Variants in MRPL34 observed in about 807,000 individuals in gnomAD.
MRPL34 encodes large ribosomal subunit protein bL34m.
In MRPL34, 8 loss-of-function variants were observed where a neutral mutation model predicts 6.7. The ratio of observed to expected loss-of-function variants is 1.20; its 90% CI spans 0.70 to 2.16. MRPL34 has a LOEUF of 2.16. Among genes scored for constraint, MRPL34 ranks in the 30% most tolerant of loss-of-function variants. The pLI is 0.00. For synonymous variants in MRPL34, 59 were observed against 55.1 expected, an observed-to-expected ratio of 1.07 and a Z score of -0.31; for missense variants, 146 against 125.5, an observed-to-expected ratio of 1.16 and a Z score of -0.78.
chr19:17,301,392 C>G (rs1198619549), upstream of MRPL34: 1 of 1,611,646 alleles, frequency 6.2e-7, no homozygotes, highest in African/African-American at 1.3e-5. Context: ...GACAGCGGAC[C>G]AAGCCGGAGA....
upstream of MRPL34, among the ~76,000 whole-genome samples, chr19:17,299,244 C>A (rs1026345756): frequency 1.4e-5 from 2 of 148,068 alleles, no homozygotes; most frequent in Non-Finnish European, 3.0e-5. Flanking sequence ...ACCCCCCCCC[C>A]ATTCTCTATA....
chr19:17,298,708 C>T (rs1242832584), upstream of MRPL34, among the ~76,000 whole-genome samples: 3 of 146,878 alleles, frequency 2.0e-5, no homozygotes, highest in Admixed American at 1.4e-4. Context: ...TGGCCAAACA[C>T]GATAGTGCTG....
chr19:17,294,666 G>A (rs1185243646), intron 1 of MRPL34: 1 of 1,613,108 alleles, frequency 6.2e-7, no homozygotes, highest in East Asian at 2.2e-5. Context: ...TTGGGGTGGG[G>A]ACACTCACTT....
At chr19:17,301,221 G>T, upstream of MRPL34, 1 of 1,594,376 alleles carries the variant, frequency 6.3e-7, no homozygotes, top group Non-Finnish European at 8.5e-7. Context: ...CGCTGCCGGG[G>T]GCCAAGCGGC....
In MRPL34 at chr19:17,294,588, C is replaced by A. The variant is rs1433650899; in HGVS notation, c.214+1734C>A. The A allele has an allele frequency of 2.9e-5, 47 of 1,605,758 alleles. No individual in the cohort carries two copies. In the South Asian group the frequency reaches 4.0e-4, roughly 14 times the overall value. On this transcript the variant is annotated intron_variant, in intron 1 of 2. Transcript: ENST00000595444. The stretch of plus-strand genomic sequence containing the variant: ...CCCCCGATGCCAGCCCTAGTCCCAG[C>A]GGTACAGTCCCCCCTCCCATCCAAC...
chr19:17,304,232 C>G (rs572097592), upstream of MRPL34, among the ~76,000 whole-genome samples: 1 of 152,368 alleles, frequency 6.6e-6, no homozygotes, highest in East Asian at 1.9e-4. Context: ...CATCCCAGCT[C>G]TGTGGTACCG....
chr19:17,305,477 G>GT (rs1319357864), upstream of MRPL34, among the ~76,000 whole-genome samples: 2 of 152,306 alleles, frequency 1.3e-5, no homozygotes, highest in Non-Finnish European at 2.9e-5. Flanking sequence ...AGCCAGCTGT[G>GT]TGCCATCTGC....
At chr19:17,301,748 G>A, upstream of MRPL34, 1 of 1,158,626 alleles carries the variant, frequency 8.6e-7, no homozygotes. Flanking sequence ...GCCAGATCAA[G>A]TGAGCCACGG....
chr19:17,301,559 C>T (rs1382768097), upstream of MRPL34: 2 of 1,599,338 alleles, frequency 1.3e-6, no homozygotes, highest in Non-Finnish European at 1.7e-6. Flanking sequence ...GGCCCCACGG[C>T]GTTGGGGGGC....
upstream of MRPL34, chr19:17,303,439 GA>G (rs1247082662): frequency 6.6e-6 from 1 of 152,366 alleles, no homozygotes; most frequent in African/African-American, 2.4e-5. Flanking sequence ...TTCCTCCCCC[GA>G]GTAGGCGGAG....
At chr19:17,299,525 C>T (rs1431424205), upstream of MRPL34, among the ~76,000 whole-genome samples, 3 of 141,122 alleles carry the variant, frequency 2.1e-5, no homozygotes, top group Non-Finnish European at 4.5e-5. Context: ...CACGCCACTG[C>T]ACTCCAGCCT....
Position 17,306,708 on chromosome 19 carries a change from G to C in MRPL34, c.*329G>C. On this transcript the variant is annotated 3_prime_UTR_variant, in exon 2 of 2. Transcript: ENST00000252602. Reference sequence around the variant, plus strand: ...TCTCAGGCATCGGATTATTTCTTCTGTAAATATTTCAGAATGTATCTCTCC... The same window carrying C: ...TCTCAGGCATCGGATTATTTCTTCTCTAAATATTTCAGAATGTATCTCTCC... The C allele has an allele frequency of 5.0e-6, 1 of 201,046 alleles. No homozygotes were observed. The highest frequency in any genetic ancestry group is 1.0e-5 in the Non-Finnish European group (1 of 100,058). 12.5% of individuals were successfully genotyped at this position (201,046 alleles called of 1,614,324 possible).
upstream of MRPL34, among the ~76,000 whole-genome samples, chr19:17,302,422 C>T (rs2074124892): frequency 6.6e-6 from 1 of 152,346 alleles, no homozygotes; most frequent in Admixed American, 6.5e-5. Flanking sequence ...TATGCACTCA[C>T]TAACTCACAT....
chr19:17,304,056 C>T (rs2074134782), upstream of MRPL34, among the ~76,000 whole-genome samples: 1 of 152,190 alleles, frequency 6.6e-6, no homozygotes, highest in African/African-American at 2.4e-5. Context: ...CGTCTACGGC[C>T]TCCCAAAGGG....
intron 1 of MRPL34, among the ~76,000 whole-genome samples, chr19:17,297,132 G>GGAGTCAGGCAGACCTGATT (rs1482941200): frequency 6.6e-6 from 1 of 152,246 alleles, no homozygotes; most frequent in African/African-American, 2.4e-5. Context: ...GATACAGACA[G>GGAGTCAGGCAGACCTGATT]GAGTCAGGCA....
At chr19:17,293,570 G>C (rs1167500422) in intron 1 of MRPL34, among the ~76,000 whole-genome samples, 1 of 151,988 alleles carries the variant, frequency 6.6e-6, no homozygotes, top group Non-Finnish European at 1.5e-5. Flanking sequence ...GATGCCAGTA[G>C]TACCCCCTCC....
chr19:17,300,744 C>T (rs1375796852), upstream of MRPL34: 7 of 1,355,302 alleles, frequency 5.2e-6, no homozygotes, highest in Non-Finnish European at 7.0e-6. Context: ...TCCCAAAGTG[C>T]TGGGATTACA....
At chr19:17,299,605 C>T (rs1240843916), upstream of MRPL34, among the ~76,000 whole-genome samples, 9 of 149,830 alleles carry the variant, frequency 6.0e-5, no homozygotes, top group Admixed American at 4.7e-4. Context: ...CACAATGACT[C>T]ACACCTGTAG....
At chr19:17,305,837 A>C (rs1469442197), upstream of MRPL34, 6 of 1,536,766 alleles carry the variant, frequency 3.9e-6, no homozygotes, top group Admixed American at 6.7e-5. Context: ...CCAGGGCTGG[A>C]GCGGCTCTGG....
Sources: gnomAD v4.1 joint callset for allele counts (sites outside exome capture counted in the v4.1 genomes callset) on GRCh38, gnomAD v4.1.1 for gene constraint, MANE v1.5 for transcripts, NCBI Gene and HGNC (gene_info 2026-07-23, HGNC 2026-07-21) for gene names.